CFAP54: variants seen among roughly 807,000 people sequenced by gnomAD.
CFAP54 encodes the protein cilia- and flagella-associated protein 54.
Under a neutral mutation model 370.4 loss-of-function variants are expected in CFAP54, and 290 were observed. The observed-to-expected ratio is 0.78, with a 90% CI of 0.71 to 0.86. CFAP54 has a LOEUF of 0.86. Ranked by LOEUF, CFAP54 falls within the 40% of genes least tolerant of loss-of-function variation. The probability of loss-of-function intolerance (pLI) is 0.00; values close to 1 mark genes in which losing one functional copy is unlikely to be tolerated. For synonymous variants in CFAP54, 1,206 were observed against 1,236.5 expected, an observed-to-expected ratio of 0.98 and a Z score of 0.52; for missense variants, 3,399 against 3,528.7, an observed-to-expected ratio of 0.96 and a Z score of 0.93.
chr12:96,497,494 T>A (rs1313823542), intron 1 of CFAP54, among the ~76,000 whole-genome samples: 1 of 152,204 alleles, frequency 6.6e-6, no homozygotes, highest in Non-Finnish European at 1.5e-5. Flanking sequence ...ATAGCCAACT[T>A]GTTAGGGAAA....
chr12:96,678,792 G>T (rs1241438400), intron 39 of CFAP54, among the ~76,000 whole-genome samples: 1 of 152,068 alleles, frequency 6.6e-6, no homozygotes, highest in South Asian at 2.1e-4. Context: ...CATCCCTTCA[G>T]CTAGATAGTG....
rs746759832 is a variant in CFAP54, at chr12:96,743,852, C to T, written c.7499C>T (p.Ser2500Phe). The change falls in exon 54 of 68, where the codon TCT (serine) becomes TTT (phenylalanine). Residue 2500 changes from serine to phenylalanine, a missense_variant. Coordinates refer to ENST00000524981, the MANE Select transcript of CFAP54 (RefSeq NM_001306084.2). ...GCTGAGAAATTCAAGGAATCTCCCT[C>T]TTCAAAAACAGGAAAATTAAATTTG... ...TKAEKFKESP[S>F]SKTGKLNLLT... 8.1e-6 allele frequency: 13 copies of T among 1,613,690 alleles called. No homozygotes were observed. In the South Asian group the frequency reaches 1.2e-4, roughly 15 times the overall value.
intron 55 of CFAP54, among the ~76,000 whole-genome samples, chr12:96,748,379 A>G (rs1958142021): frequency 6.6e-6 from 1 of 151,968 alleles, no homozygotes; most frequent in Non-Finnish European, 1.5e-5. Context: ...CTAATTTCTA[A>G]TATCTAATCC....
chr12:96,603,560 TC>T (rs1314849202), intron 26 of CFAP54, among the ~76,000 whole-genome samples: 1 of 152,238 alleles, frequency 6.6e-6, no homozygotes. Context: ...TTTTCCAACT[TC>T]GTTCCATTCT....
chr12:96,529,296 C>A (rs1955415613), intron 9 of CFAP54, among the ~76,000 whole-genome samples: 1 of 152,186 alleles, frequency 6.6e-6, no homozygotes, highest in East Asian at 1.9e-4. Flanking sequence ...GTGGTTAGAT[C>A]TTCTCTATCC....
chr12:96,653,431 A>G (rs974367899), intron 36 of CFAP54, among the ~76,000 whole-genome samples: 2 of 152,222 alleles, frequency 1.3e-5, no homozygotes, highest in East Asian at 3.8e-4. Context: ...ATGTTCTTTG[A>G]CCATTACAGA....
intron 17 of CFAP54, among the ~76,000 whole-genome samples, chr12:96,556,904 G>A (rs1955758885): frequency 6.6e-6 from 1 of 152,140 alleles, no homozygotes; most frequent in African/African-American, 2.4e-5. Flanking sequence ...GCCTTTCTGA[G>A]GGTGAAGGGT....
intron 28 of CFAP54, 23 bp downstream of exon 28, chr12:96,623,904 C>A: frequency 7.2e-7 from 1 of 1,396,114 alleles, no homozygotes; most frequent in Non-Finnish European, 9.7e-7. Context: ...TTTCTGTATA[C>A]TTCCATTTAG....
rs145115668 is a variant in CFAP54, at chr12:96,637,094, TC to T, written c.4316+6445del. Among the ~76,000 whole-genome samples the T allele has an allele frequency of 9.9e-3, 1,504 of 152,286 alleles. 30 individuals carry two copies. Among genetic ancestry groups the T allele is most frequent in the African/African-American group, 0.034 (1,433 of 41,562 alleles). ...AGCTTGAGGCAACCATGAATCCACT[TC>T]CTGTTTCTACAGATTTGCCTATTCC... On this transcript the variant is annotated intron_variant, in intron 32 of 67. Coordinates refer to ENST00000524981, the MANE Select transcript of CFAP54 (RefSeq NM_001306084.2).
At chr12:96,507,472 CA>C (rs960627577) in intron 4 of CFAP54, among the ~76,000 whole-genome samples, 24 of 151,766 alleles carry the variant, frequency 1.6e-4, no homozygotes, top group Non-Finnish European at 3.1e-4. Flanking sequence ...TGGGTTTCTA[CA>C]AAGTGACCTC....
intron 5 of CFAP54, among the ~76,000 whole-genome samples, chr12:96,514,379 A>G (rs1404412095): frequency 6.6e-6 from 1 of 152,240 alleles, no homozygotes; most frequent in Non-Finnish European, 1.5e-5. Flanking sequence ...AAACTCTATG[A>G]CAGACAGTGA....
At chr12:96,589,648 T>G in intron 23 of CFAP54, 85 bp downstream of exon 23, 1 of 866,872 alleles carries the variant, frequency 1.2e-6, no homozygotes, top group Non-Finnish European at 1.7e-6. Flanking sequence ...ATTTTTAATA[T>G]CATGTTCAGA....
At chr12:96,840,370 T>C (rs1287525557) in intron 66 of CFAP54, among the ~76,000 whole-genome samples, 3 of 152,196 alleles carry the variant, frequency 2.0e-5, no homozygotes, top group Non-Finnish European at 4.4e-5. Context: ...TTTTTTAGCA[T>C]GTAAAATCCT....
intron 22 of CFAP54, among the ~76,000 whole-genome samples, chr12:96,584,667 T>TA (rs1956059755): frequency 1.3e-5 from 2 of 151,704 alleles, no homozygotes; most frequent in Admixed American, 1.3e-4. Context: ...CTCATTACAA[T>TA]GACAGTAATA....
At chr12:96,637,058 T>C (rs969511204) in intron 32 of CFAP54, among the ~76,000 whole-genome samples, 6 of 152,092 alleles carry the variant, frequency 3.9e-5, no homozygotes, top group African/African-American at 1.4e-4. Flanking sequence ...CACATCCAAC[T>C]CCTTTCCCTC....
Position 96,746,435 on chromosome 12 carries a change from G to A in CFAP54, c.7684+2289G>A, listed in dbSNP as rs139707779. On this transcript the variant is annotated intron_variant, in intron 55 of 67. Coordinates refer to ENST00000524981, the MANE Select transcript of CFAP54 (RefSeq NM_001306084.2). Reference sequence around the variant, plus strand: ...AAATCACTCTTGAGTTCATCACCAAGGACTTAATCTATAATTCCAATATGT... The same window carrying A: ...AAATCACTCTTGAGTTCATCACCAAAGACTTAATCTATAATTCCAATATGT... Among the ~76,000 whole-genome samples, 14 of 152,122 alleles carry A rather than the reference G, an allele frequency of 9.2e-5. No homozygotes were observed. The East Asian group carries it at 2.7e-3, about 29-fold the overall frequency.
intron 32 of CFAP54, among the ~76,000 whole-genome samples, chr12:96,640,875 G>C (rs913493644): frequency 6.6e-6 from 1 of 152,084 alleles, no homozygotes; most frequent in African/African-American, 2.4e-5. Context: ...CTAGCCATAT[G>C]TAGAAAGCTG....
intron 66 of CFAP54, among the ~76,000 whole-genome samples, chr12:96,830,181 G>A (rs1191200128): frequency 2.0e-5 from 3 of 152,092 alleles, no homozygotes; most frequent in East Asian, 1.9e-4. Flanking sequence ...TGCTATGAAC[G>A]TTAGTGTACA....
At chr12:96,755,447 A>G (rs1486486208) in intron 56 of CFAP54, among the ~76,000 whole-genome samples, 1 of 151,948 alleles carries the variant, frequency 6.6e-6, no homozygotes, top group Non-Finnish European at 1.5e-5. Context: ...GAAACTTTGT[A>G]CCCTTTGACC....
Sources: gnomAD v4.1 joint callset for allele counts (sites outside exome capture counted in the v4.1 genomes callset) on GRCh38, gnomAD v4.1.1 for gene constraint, MANE v1.5 for transcripts, NCBI Gene and HGNC (gene_info 2026-07-23, HGNC 2026-07-21) for gene names.